DMAP1: variants seen among roughly 807,000 people sequenced by gnomAD.
DMAP1 encodes the protein DNA methyltransferase 1-associated protein 1.
In DMAP1, 26 loss-of-function variants were observed where a neutral mutation model predicts 52.7. The ratio of observed to expected loss-of-function variants is 0.49; its 90% CI spans 0.36 to 0.68. The LOEUF (loss-of-function observed/expected upper bound fraction) is 0.68, where lower values mean the gene tolerates loss of function less well. Among genes scored for constraint, DMAP1 ranks in the 30% least tolerant of loss-of-function variants. DMAP1 has a pLI of 0.00. For synonymous variants in DMAP1, 231 were observed against 246.0 expected, an observed-to-expected ratio of 0.94 and a Z score of 0.57; for missense variants, 439 against 625.2, an observed-to-expected ratio of 0.70 and a Z score of 3.18.
In DMAP1 at chr1:44,213,490, G is replaced by A. The variant is rs185400619; in HGVS notation, c.-264G>A. The A allele has an allele frequency of 6.5e-3, 2,690 of 412,642 alleles. 103 individuals carry two copies. The Admixed American group carries it at 0.081, about 12-fold the overall frequency. 25.6% of individuals were successfully genotyped at this position (412,642 alleles called of 1,614,324 possible). On this transcript the variant is annotated 5_prime_UTR_variant, in exon 1 of 10. Coordinates refer to ENST00000372289, the MANE Select transcript of DMAP1 (RefSeq NM_019100.5). This position sits in a 1 kb window ranked among gnomAD's most constrained non-coding sequence, Gnocchi z 4.5. ...GTTTCTGCCGCGGCTTTGCGGGGAC[G>A]GGGGAGTGGTAGTGGGGGCTGCAGC...
Position 44,214,918 on chromosome 1 carries a change from A to G in DMAP1, c.393+20A>G. 1 of 1,613,920 alleles carries G rather than the reference A, an allele frequency of 6.2e-7. No homozygotes were observed. Among genetic ancestry groups the G allele is most frequent in the Non-Finnish European group, 8.5e-7 (1 of 1,179,936 alleles). On this transcript the variant is annotated intron_variant, in intron 3 of 9. Coordinates refer to ENST00000372289, the MANE Select transcript of DMAP1 (RefSeq NM_019100.5). The stretch of plus-strand genomic sequence containing the variant: ...AATAAGGTAAGCTACCTTCATTCGG[A>G]CACAGGCCAAGATTGCCCTCCCACT...
At chr1:44,219,581 T>C (rs1643868074) in intron 7 of DMAP1, 104 bp downstream of exon 7, 11 of 1,279,836 alleles carry the variant, frequency 8.6e-6, no homozygotes, top group African/African-American at 1.5e-5. Flanking sequence ...GTAGGAGAGA[T>C]TGCTGCAGAC....
At chr1:44,216,102 T>C (rs910460734) in intron 3 of DMAP1, 1 of 152,266 alleles carries the variant, frequency 6.6e-6, no homozygotes, top group Non-Finnish European at 1.5e-5. Flanking sequence ...GCCTGTCATA[T>C]GCAGCACTGT....
intron 3 of DMAP1, chr1:44,215,230 T>C: frequency 2.0e-6 from 1 of 492,020 alleles, no homozygotes; most frequent in Non-Finnish European, 4.0e-6. Flanking sequence ...TTACCCTCTC[T>C]ACAAGTCACC....
At position 44,218,751 on chromosome 1, in the gene DMAP1, A is replaced by G; in HGVS notation, c.716A>G (p.Glu239Gly). Reference sequence around the variant, plus strand: ...GAGCGTCTCTACAACCGGACCCCAGAGCAGGTAAGCCCAAGGCCACATACC... The same window carrying G: ...GAGCGTCTCTACAACCGGACCCCAGGGCAGGTAAGCCCAAGGCCACATACC... ...QLERLYNRTP[E>G]QVAEEEYLLQ... Residue 239 changes from glutamate to glycine, a missense_variant, in exon 5 of 10, where the codon GAG becomes GGG. Glu to Gly is a moderately conservative substitution (Grantham distance 98). This residue lies in a region of DMAP1 where 142 missense variants were observed against 149.5 expected (regional missense o/e 0.95). Coordinates refer to ENST00000372289, the MANE Select transcript of DMAP1 (RefSeq NM_019100.5). This position sits in a 1 kb window ranked among gnomAD's most constrained non-coding sequence, Gnocchi z 5.6. 6.2e-7 allele frequency: 1 copy of G among 1,604,816 alleles called. No individual in the cohort carries two copies. Among genetic ancestry groups the G allele is most frequent in the Non-Finnish European group, 8.5e-7 (1 of 1,173,602 alleles).
At chr1:44,219,676 C>T (rs1053149334) in intron 7 of DMAP1, 130 bp from the exon 8 acceptor site, 4 of 1,279,336 alleles carry the variant, frequency 3.1e-6, no homozygotes, top group Admixed American at 4.1e-5. Context: ...TGGCTATTTC[C>T]TTTTCTGGCC....
At chr1:44,219,515 G>A in intron 7 of DMAP1, 38 bp downstream of exon 7, 1 of 1,534,534 alleles carries the variant, frequency 6.5e-7, no homozygotes, top group Non-Finnish European at 8.8e-7. Flanking sequence ...TTGGGTCCTG[G>A]GCTCTGCTCT....
intron 6 of DMAP1, 64 bp downstream of exon 6, chr1:44,219,305 A>C: frequency 6.3e-7 from 1 of 1,577,740 alleles, no homozygotes; most frequent in Non-Finnish European, 8.6e-7. Flanking sequence ...CCTCACCCCG[A>C]GTGGAGGGTT....
In DMAP1 at chr1:44,214,255, C is replaced by T; in HGVS notation, c.106-95C>T. On this transcript the variant is annotated intron_variant, in intron 1 of 9. Transcript: ENST00000372289. The stretch of plus-strand genomic sequence containing the variant: ...TGTGTCAGTTTGCCTGTCATTGACC[C>T]TGTAGGTGCTGCTTTGTTCAGGGAT... 2.6e-6 allele frequency: 3 copies of T among 1,168,874 alleles called. No individual in the cohort carries two copies. In the South Asian group the frequency reaches 3.9e-5, roughly 15 times the overall value. 72.4% of individuals were successfully genotyped at this position (1,168,874 alleles called of 1,614,324 possible).
intron 1 of DMAP1, 43 bp from the exon 2 acceptor site, chr1:44,214,307 A>G: frequency 6.3e-7 from 1 of 1,582,770 alleles, no homozygotes; most frequent in Non-Finnish European, 8.7e-7. Flanking sequence ...ATTTTCAGGA[A>G]AGGGTCTAGG....
chr1:44,214,517 C>CT lies in DMAP1; in HGVS notation c.197+77dup, dbSNP rs753755400. 3.1e-6 allele frequency: 5 copies of CT among 1,613,164 alleles called. No homozygotes were observed. The East Asian group carries it at 1.1e-4, about 36-fold the overall frequency. On this transcript the variant is annotated intron_variant, in intron 2 of 9. Coordinates refer to ENST00000372289, the MANE Select transcript of DMAP1 (RefSeq NM_019100.5). Reference sequence around the variant, plus strand: ...CCATGCCCCTAACTCCTAGTTTTCTCTAACAATTTTCTCCTCCCCAGCAAG... The same window carrying CT: ...CCATGCCCCTAACTCCTAGTTTTCTCTTAACAATTTTCTCCTCCCCAGCAAG...
At chr1:44,215,948 T>A (rs1643783914) in intron 3 of DMAP1, 1 of 152,618 alleles carries the variant, frequency 6.6e-6, no homozygotes, top group African/African-American at 2.4e-5. Context: ...ACTTAGATCC[T>A]AAAAGCCTCA....
chr1:44,214,292 A>C, intron 1 of DMAP1, 58 bp from the exon 2 acceptor site: 9 of 1,534,340 alleles, frequency 5.9e-6, no homozygotes, highest in Non-Finnish European at 7.2e-6. Context: ...GAGCTGGACT[A>C]AAGAATTTTC....
In DMAP1 at chr1:44,218,616, G is replaced by A. The variant is rs761415756; in HGVS notation, c.581G>A (p.Arg194Gln). ...KKRSVEDLKE[R>Q]YYHICAKLAN... is the part of the protein sequence containing the mutation. ...CGTTCTGTGGAAGACCTGAAGGAGC[G>A]GTACTACCACATCTGTGCTAAGCTT... is the stretch of plus-strand genomic sequence containing the variant. Residue 194 changes from arginine to glutamine, a missense_variant, in exon 5 of 10, where the codon CGG becomes CAG. Physicochemically the swap from Arg to Gln is conservative, Grantham distance 43. This residue lies in a region of DMAP1 where 142 missense variants were observed against 149.5 expected (regional missense o/e 0.95). Transcript: ENST00000372289. This position sits in a 1 kb window ranked among gnomAD's most constrained non-coding sequence, Gnocchi z 5.6. The A allele has an allele frequency of 1.1e-5, 18 of 1,612,120 alleles. No individual in the cohort carries two copies. The highest frequency in any genetic ancestry group is 1.7e-5 in the Admixed American group (1 of 59,966).
At chr1:44,219,574 GGA>G in intron 7 of DMAP1, 97 bp downstream of exon 7, 1 of 1,314,504 alleles carries the variant, frequency 7.6e-7, no homozygotes, top group Non-Finnish European at 1.0e-6. Flanking sequence ...TGGAGCAGTA[GGA>G]GAGATTGCTG....
chr1:44,213,809 A>T lies in DMAP1; in HGVS notation c.56A>T (p.Asp19Val). The T allele has an allele frequency of 6.3e-7, 1 of 1,596,638 alleles. No homozygotes were observed. Among genetic ancestry groups the T allele is most frequent in the Non-Finnish European group, 8.5e-7 (1 of 1,172,046 alleles). Reference sequence around the variant, plus strand: ...CTAGAACTCGGGGGTCCAGAAGGGGATGCAGCCTCTGGGACCATCAGCAAG... The same window carrying T: ...CTAGAACTCGGGGGTCCAGAAGGGGTTGCAGCCTCTGGGACCATCAGCAAG... ...DILELGGPEG[D>V]AASGTISKKD... Residue 19 changes from aspartate to valine, a missense_variant, in exon 1 of 10, where the codon GAT becomes GTT. By Grantham distance (152) the Asp-to-Val change is radical. Coordinates refer to ENST00000372289, the MANE Select transcript of DMAP1 (RefSeq NM_019100.5). The surrounding 1 kb of genome is among the most constrained non-coding windows in gnomAD (Gnocchi z 4.5).
At chr1:44,215,104 T>C (rs1451754009) in intron 3 of DMAP1, 1 of 699,094 alleles carries the variant, frequency 1.4e-6, no homozygotes, top group Admixed American at 2.0e-5. Flanking sequence ...CCGGACCTGC[T>C]CTGGTTTTTC....
rs771876966 is a variant in DMAP1, at chr1:44,220,305, A to G, written c.1340A>G (p.Asn447Ser). 7.1e-6 allele frequency: 11 copies of G among 1,542,420 alleles called. No individual in the cohort carries two copies. In the Admixed American group the frequency reaches 1.3e-4, roughly 19 times the overall value. ...IDVVGAPLTP[N>S]SRKRRESASS... ...GTGGTGGGCGCACCCCTCACGCCCA[A>G]TTCGGTAAGAGTCTGGACAGGCTGG... The change falls in exon 9 of 10, where the codon AAT becomes AGT. Residue 447 changes from asparagine to serine, a missense_variant. Asn to Ser is a conservative substitution (Grantham distance 46). This residue lies in a region of DMAP1 where 179 missense variants were observed against 285.9 expected (regional missense o/e 0.63). Transcript: ENST00000372289.
chr1:44,215,603 T>A, intron 3 of DMAP1: 1 of 313,850 alleles, frequency 3.2e-6, no homozygotes, highest in South Asian at 2.7e-5. Flanking sequence ...TGAAATGAGA[T>A]AAAGAGTGAA....
Sources: allele counts gnomAD v4.1 joint callset, GRCh38; gene constraint gnomAD v4.1.1; regional missense constraint gnomAD v4.1.1; non-coding constraint Gnocchi (gnomAD v3.1); transcripts MANE v1.5; gene names NCBI Gene and HGNC (gene_info 2026-07-23, HGNC 2026-07-21).